Variants in GLRA2 observed in about 807,000 individuals in gnomAD.
The protein encoded by GLRA2 is glycine receptor alpha 2.
In GLRA2, 11 loss-of-function variants were observed where a neutral mutation model predicts 31.6. That is an observed-to-expected ratio of 0.35 (90% CI 0.22 to 0.58). GLRA2 has a LOEUF of 0.58. Ranked by LOEUF, GLRA2 falls within the 20% of genes least tolerant of loss-of-function variation. GLRA2 has a pLI of 0.84. For synonymous variants in GLRA2, 132 were observed against 134.0 expected (o/e 0.99, Z 0.10); for missense variants, 212 against 351.8 (o/e 0.60, Z 3.18).
At chrX:14,559,807 C>A (rs1381043669) in intron 2 of GLRA2, among the ~76,000 whole-genome samples, 3 of 110,795 alleles carry the variant, frequency 2.7e-5, no homozygotes, top group African/African-American at 9.9e-5. Context: ...CTCACAGCAA[C>A]CTCCGCCTCG....
chrX:14,545,781 T>G (rs765644725), intron 2 of GLRA2, among the ~76,000 whole-genome samples: 1 of 111,398 alleles, frequency 9.0e-6, no homozygotes, highest in South Asian at 3.8e-4. Flanking sequence ...TATTGGGGTA[T>G]GAGAAGGTGG....
chrX:14,618,842 C>T (rs1377837000), intron 7 of GLRA2, among the ~76,000 whole-genome samples: 1 of 111,739 alleles, frequency 8.9e-6, no homozygotes, highest in Non-Finnish European at 1.9e-5. Context: ...TTTCTAGAGG[C>T]TGTACACATT....
chrX:14,667,757 A>C (rs1337055368), intron 7 of GLRA2, among the ~76,000 whole-genome samples: 1 of 111,614 alleles, frequency 9.0e-6, no homozygotes, highest in Non-Finnish European at 1.9e-5. Flanking sequence ...CATGAGGCCC[A>C]AAATAAGCAA....
chrX:14,686,386 G>A (rs772619046), intron 7 of GLRA2, among the ~76,000 whole-genome samples: 146 of 111,285 alleles, frequency 1.3e-3, no homozygotes, highest in Middle Eastern at 4.6e-3. Context: ...TTTCTGTCTC[G>A]TTGACCTTTC....
chrX:14,663,790 G>C lies in GLRA2; in HGVS notation c.931-26920G>C, dbSNP rs189214168. ...TTTTTCTAGGGAAATGGGCTACTTA[G>C]ATTTTTTAAAAATATCTCCTCAGTT... On this transcript the variant is annotated intron_variant, in intron 7 of 8. Coordinates refer to ENST00000218075, the MANE Select transcript of GLRA2 (RefSeq NM_002063.4). Among the ~76,000 whole-genome samples the C allele has an allele frequency of 3.7e-3, 409 of 111,261 alleles. 1 individual carries two copies. Among genetic ancestry groups the C allele is most frequent in the African/African-American group, 0.013 (395 of 30,788 alleles).
the GLRA2 span, among the ~76,000 whole-genome samples, chrX:14,494,150 G>A: frequency 9.0e-6 from 1 of 111,229 alleles, no homozygotes; most frequent in Non-Finnish European, 1.9e-5. Context: ...CTTAGAAGTT[G>A]GGGCAGCATT....
intron 4 of GLRA2, among the ~76,000 whole-genome samples, chrX:14,595,382 A>G (rs2090190727): frequency 8.9e-6 from 1 of 111,772 alleles, no homozygotes; most frequent in Admixed American, 9.6e-5. Flanking sequence ...AACAATTTAT[A>G]CACCATTAAT....
At chrX:14,567,034 T>G (rs894215931) in intron 2 of GLRA2, among the ~76,000 whole-genome samples, 3 of 111,416 alleles carry the variant, frequency 2.7e-5, no homozygotes, top group Admixed American at 1.9e-4. Flanking sequence ...GTTCTTGCAA[T>G]CTGACCCCTG....
intron 7 of GLRA2, among the ~76,000 whole-genome samples, chrX:14,668,120 G>A (rs948081401): frequency 9.0e-6 from 1 of 111,694 alleles, no homozygotes; most frequent in Non-Finnish European, 1.9e-5. Flanking sequence ...AGTTCCTCCT[G>A]TGCTGTCAGA....
At chrX:14,463,828 G>A in the GLRA2 span, among the ~76,000 whole-genome samples, 1 of 111,715 alleles carries the variant, frequency 9.0e-6, no homozygotes, top group African/African-American at 3.3e-5. Context: ...TGTGCTTCCC[G>A]GTGAGGCAAT....
At chrX:14,577,766 T>C (rs757892185) in intron 3 of GLRA2, among the ~76,000 whole-genome samples, 2 of 111,638 alleles carry the variant, frequency 1.8e-5, no homozygotes, top group Non-Finnish European at 3.8e-5. Context: ...TTTCAACATA[T>C]GAATTTTGAG....
chrX:14,457,964 G>C, the GLRA2 span, among the ~76,000 whole-genome samples: 2 of 110,068 alleles, frequency 1.8e-5, no homozygotes, highest in Non-Finnish European at 3.8e-5. Context: ...ATATTGGTGT[G>C]CTTCACCCAT....
At chrX:14,695,094 C>T (rs2091423578) in intron 8 of GLRA2, among the ~76,000 whole-genome samples, 1 of 111,055 alleles carries the variant, frequency 9.0e-6, no homozygotes, top group African/African-American at 3.3e-5. Context: ...TTGGCAGTGA[C>T]CAGCAAACAG....
chrX:14,640,455 A>T (rs968131899), intron 7 of GLRA2, among the ~76,000 whole-genome samples: 2 of 111,989 alleles, frequency 1.8e-5, no homozygotes, highest in Non-Finnish European at 3.8e-5. Context: ...CTCAGAGTAA[A>T]ACATATACAT....
chrX:14,506,785 A>G, the GLRA2 span, among the ~76,000 whole-genome samples: 4 of 111,371 alleles, frequency 3.6e-5, no homozygotes, highest in African/African-American at 6.5e-5. Context: ...TGAGCCTCAG[A>G]TCTTGCCAAG....
chrX:14,620,241 T>C (rs1226560430), intron 7 of GLRA2, among the ~76,000 whole-genome samples: 2 of 108,732 alleles, frequency 1.8e-5, no homozygotes, highest in Non-Finnish European at 3.8e-5. Context: ...CAGCTTTGCT[T>C]CCTCAGCACT....
rs774745197 is a variant in GLRA2 at position 14,690,663 on chromosome X, CTCTCTCTCTCTCTCTGTGTGTGTGTGTG to C, written c.931-31_931-4del. On this transcript the variant is annotated intron_variant, in intron 7 of 8. Transcript: ENST00000218075. ...GCAGGCTTTCATAGTCTTTCTTTCT[CTCTCTCTCTCTCTCTGTGTGTGTGTGTG>C]TCTCTCTCTCTCTCTCAGGTCTCCT... The C allele has an allele frequency of 2.4e-5, 18 of 749,379 alleles. No homozygotes were observed. The highest frequency in any genetic ancestry group is 7.4e-4 in the Middle Eastern group (2 of 2,686). The allele number at this position is 749,379 out of a possible 1,213,427, so 61.8% of individuals were successfully genotyped here.
At chrX:14,559,047 A>G (rs1441848904) in intron 2 of GLRA2, among the ~76,000 whole-genome samples, 1 of 110,659 alleles carries the variant, frequency 9.0e-6, no homozygotes, top group Non-Finnish European at 1.9e-5. Flanking sequence ...CTGGTCTCGA[A>G]CTCCTGACTT....
At position 14,552,641 on chromosome X, in the gene GLRA2, G is replaced by T. The variant is rs903720124; in HGVS notation, c.202+20269G>T. ...ATATACAGGTCATATGACTGGAGAT[G>T]AATGTTTTGAGAGGTATGCATCAAC... On this transcript the variant is annotated intron_variant, in intron 2 of 8. Transcript: ENST00000218075. 3.6e-5 allele frequency among the ~76,000 whole-genome samples: 4 copies of T among 111,785 alleles called. No homozygotes were observed. The East Asian group carries it at 8.5e-4, about 24-fold the overall frequency.
Sources: allele counts gnomAD v4.1 joint callset (sites outside exome capture counted in the v4.1 genomes callset), GRCh38; gene constraint gnomAD v4.1.1; transcripts MANE v1.5; gene names NCBI Gene and HGNC (gene_info 2026-07-23, HGNC 2026-07-21).